Variants in CACNA1C observed in about 807,000 individuals in gnomAD.
CACNA1C encodes the protein calcium voltage-gated channel subunit alpha1 C, also known as voltage-dependent L-type calcium channel subunit alpha-1C.
A neutral mutation model predicts 229.0 loss-of-function variants in CACNA1C; 30 were observed. The ratio of observed to expected loss-of-function variants is 0.13; its 90% CI spans 0.10 to 0.18. The LOEUF is 0.18. Ranked by LOEUF, CACNA1C falls within the 10% of genes least tolerant of loss-of-function variation. CACNA1C has a pLI of 1.00. For synonymous variants in CACNA1C, 1,114 were observed against 1,132.5 expected, an observed-to-expected ratio of 0.98 and a Z score of 0.33; for missense variants, 1,658 against 2,845.0, an observed-to-expected ratio of 0.58 and a Z score of 9.49.
At chr12:2,222,323 G>C (rs1204749569) in intron 3 of CACNA1C, 1 of 152,210 alleles carries the variant, frequency 6.6e-6, no homozygotes, top group African/African-American at 2.4e-5. Flanking sequence ...CACTGGATTT[G>C]AGTCAGAAGA....
intron 11 of CACNA1C, among the ~76,000 whole-genome samples, chr12:2,560,930 C>G (rs1023435806): frequency 1.3e-5 from 2 of 150,424 alleles, no homozygotes; most frequent in Non-Finnish European, 3.0e-5. Context: ...TTGATGTTGT[C>G]GACGATTCCA....
rs1471759620 is a variant in CACNA1C at position 2,152,879 on chromosome 12, A to G, written c.477+32449A>G. ...AGATTGGTAGGTCCCACTGGTCCCG[A>G]GTGTCCTACGGCCCTTTATATTGGA... On this transcript the variant is annotated intron_variant, in intron 3 of 46. Coordinates refer to ENST00000399655, the MANE Select transcript of CACNA1C (RefSeq NM_000719.7). This position sits in a 1 kb window ranked among gnomAD's most constrained non-coding sequence, Gnocchi z 4.2. Among the ~76,000 whole-genome samples the G allele has an allele frequency of 1.3e-5, 2 of 152,136 alleles. No homozygotes were observed. Among genetic ancestry groups the G allele is most frequent in the East Asian group, 3.9e-4 (2 of 5,188 alleles).
At chr12:2,312,559 A>G (rs934041184) in intron 3 of CACNA1C, among the ~76,000 whole-genome samples, 4 of 152,114 alleles carry the variant, frequency 2.6e-5, no homozygotes, top group Admixed American at 1.3e-4. Flanking sequence ...TCTTCTCTTC[A>G]GTTTCTTCCT....
At chr12:2,353,202 C>G (rs2154527645) in intron 3 of CACNA1C, among the ~76,000 whole-genome samples, 1 of 152,258 alleles carries the variant, frequency 6.6e-6, no homozygotes, top group East Asian at 1.9e-4. Context: ...TGGCCTCAGG[C>G]TGAGTCTGGC....
chr12:2,087,701 G>T lies in CACNA1C; in HGVS notation c.50-27523G>T, dbSNP rs140296808. 2.7e-3 allele frequency among the ~76,000 whole-genome samples: 416 copies of T among 152,320 alleles called. 4 individuals carry two copies. Among genetic ancestry groups the T allele is most frequent in the African/African-American group, 9.8e-3 (409 of 41,574 alleles). On this transcript the variant is annotated intron_variant, in intron 1 of 46. Coordinates refer to ENST00000399655, the MANE Select transcript of CACNA1C (RefSeq NM_000719.7). The stretch of plus-strand genomic sequence containing the variant: ...GTAATGTGCTTTCCTAGAAAAAAAT[G>T]GGAGTGGAAGAGCCCATCTCAGAAG...
chr12:2,446,922 A>G (rs990017411), intron 3 of CACNA1C, among the ~76,000 whole-genome samples: 1 of 152,172 alleles, frequency 6.6e-6, no homozygotes, highest in Admixed American at 6.5e-5. Flanking sequence ...GAAAGCAACT[A>G]GCACATATGA....
chr12:2,057,583 G>T, intron 1 of CACNA1C, among the ~76,000 whole-genome samples: 1 of 152,150 alleles, frequency 6.6e-6, no homozygotes, highest in East Asian at 1.9e-4. Flanking sequence ...AGGCCCTCGC[G>T]GCATCACTGA....
At chr12:2,013,788 A>T (rs2044845256) in intron 1 of CACNA1C, among the ~76,000 whole-genome samples, 1 of 152,224 alleles carries the variant, frequency 6.6e-6, no homozygotes, top group East Asian at 1.9e-4. Context: ...CTTATCTCTA[A>T]TAAGGAGATA....
intron 3 of CACNA1C, among the ~76,000 whole-genome samples, chr12:2,128,668 C>T (rs1023902850): frequency 6.6e-6 from 1 of 152,184 alleles, no homozygotes; most frequent in Admixed American, 6.5e-5. Context: ...GCCTCGGCCT[C>T]CCAAAATGCT....
At chr12:2,460,279 G>A (rs2099491019) in intron 5 of CACNA1C, among the ~76,000 whole-genome samples, 2 of 152,216 alleles carry the variant, frequency 1.3e-5, no homozygotes, top group African/African-American at 4.8e-5. Context: ...ACATTCCACT[G>A]GCCAAAGCGA....
chr12:2,012,252 A>C lies in CACNA1C; in HGVS notation c.139+41051A>C, dbSNP rs2044575360. Among the ~76,000 whole-genome samples, 4 of 152,156 alleles carry C rather than the reference A, an allele frequency of 2.6e-5. No individual in the cohort carries two copies. In the South Asian group the frequency reaches 8.3e-4, roughly 31 times the overall value. The stretch of plus-strand genomic sequence containing the variant: ...TATAGTATCTACTTCTATAATGCTG[A>C]GATTTAAGAATATTTCCTTACCCGG... On this transcript the variant is annotated intron_variant, in intron 1 of 46. Transcript: ENST00000682462.
rs2081503543 is a variant in CACNA1C, at chr12:2,618,055, A to G, written c.3828+6042A>G. Among the ~76,000 whole-genome samples, 4 of 152,188 alleles carry G rather than the reference A, an allele frequency of 2.6e-5. No individual in the cohort carries two copies. The South Asian group carries it at 8.3e-4, about 32-fold the overall frequency. On this transcript the variant is annotated intron_variant, in intron 29 of 46. Coordinates refer to ENST00000399655, the MANE Select transcript of CACNA1C (RefSeq NM_000719.7). The stretch of plus-strand genomic sequence containing the variant: ...GGCATCCATGCCCTGTGCAGATGCA[A>G]GGGGACTTTGGAGGCTGAGGGTCCG...
Position 2,629,069 on chromosome 12 carries a change from T to C in CACNA1C, c.3829-5228T>C, listed in dbSNP as rs565023712. On this transcript the variant is annotated intron_variant, in intron 29 of 46. Transcript: ENST00000399655. Reference sequence around the variant, plus strand: ...CTATGCAAGACATAGGACTGGTGCTTGTATGGATAATAATCAGATTATGAT... The same window carrying C: ...CTATGCAAGACATAGGACTGGTGCTCGTATGGATAATAATCAGATTATGAT... Among the ~76,000 whole-genome samples the C allele has an allele frequency of 2.5e-4, 38 of 152,270 alleles. No homozygotes were observed. The South Asian group carries it at 7.7e-3, about 31-fold the overall frequency.
chr12:2,606,692 C>T, intron 25 of CACNA1C, 29 bp downstream of exon 25: 1 of 1,595,266 alleles, frequency 6.3e-7, no homozygotes, highest in Non-Finnish European at 8.6e-7. Flanking sequence ...GCAGCCAGGG[C>T]CACGGCCGGT....
intron 1 of CACNA1C, among the ~76,000 whole-genome samples, chr12:2,068,988 A>G (rs539843422): frequency 2.0e-4 from 30 of 152,374 alleles, no homozygotes; most frequent in African/African-American, 6.0e-4. Flanking sequence ...AGCTGCTGCC[A>G]TACTCAGACA....
At chr12:2,175,413 C>T (rs1046289467) in intron 3 of CACNA1C, among the ~76,000 whole-genome samples, 1 of 152,114 alleles carries the variant, frequency 6.6e-6, no homozygotes, top group African/African-American at 2.4e-5. Context: ...TTGGCTGCTT[C>T]CTTATTGTCC....
At chr12:2,553,397 T>A (rs2042387282) in intron 10 of CACNA1C, among the ~76,000 whole-genome samples, 1 of 152,148 alleles carries the variant, frequency 6.6e-6, no homozygotes. Flanking sequence ...CAGGCTCTGA[T>A]GAAGGGGTCA....
chr12:2,453,017 A>G (rs939267291), intron 4 of CACNA1C, among the ~76,000 whole-genome samples: 2 of 152,182 alleles, frequency 1.3e-5, no homozygotes, highest in Non-Finnish European at 2.9e-5. Context: ...ATAGGAAGCC[A>G]TCAAGTTGCC....
At chr12:2,063,327 T>A (rs557623279) in intron 1 of CACNA1C, among the ~76,000 whole-genome samples, 2 of 152,232 alleles carry the variant, frequency 1.3e-5, no homozygotes, top group East Asian at 3.9e-4. Context: ...TATTTTTGTA[T>A]TTTTAGTAGA....
Sources: gnomAD v4.1 joint callset for allele counts (sites outside exome capture counted in the v4.1 genomes callset) on GRCh38, gnomAD v4.1.1 for gene constraint, Gnocchi (gnomAD v3.1) non-coding constraint, MANE v1.5 for transcripts, NCBI Gene and HGNC (gene_info 2026-07-23, HGNC 2026-07-21) for gene names.